Variants in UMAD1 observed in about 807,000 individuals in gnomAD.
UMAD1 encodes UBAP1-MVB12-associated (UMA)-domain containing protein 1.
UMAD1 carries 8 observed loss-of-function variants against 6.1 expected under a neutral mutation model. That is an observed-to-expected ratio of 1.30 (90% CI 0.76 to 2.35). UMAD1 has a LOEUF of 2.35. UMAD1 is among the 30% of genes most tolerant of loss of function. The pLI, the probability that UMAD1 is intolerant of heterozygous loss-of-function variation, is 0.00. For synonymous variants in UMAD1, 56 were observed against 31.4 expected (o/e 1.78, Z -2.61); for missense variants, 130 against 78.4 (o/e 1.66, Z -2.49).
chr7:7,789,424 T>C (rs1158609422), intron 2 of UMAD1, among the ~76,000 whole-genome samples: 1 of 151,912 alleles, frequency 6.6e-6, no homozygotes, highest in Non-Finnish European at 1.5e-5. Flanking sequence ...AGTACCAATT[T>C]ATTGTTTTAA....
intron 3 of UMAD1, among the ~76,000 whole-genome samples, chr7:7,864,110 T>C (rs191693758): frequency 6.6e-6 from 1 of 152,232 alleles, no homozygotes; most frequent in Non-Finnish European, 1.5e-5. Context: ...CCCGATTTTA[T>C]GCAGTAAACC....
intron 2 of UMAD1, among the ~76,000 whole-genome samples, chr7:7,777,050 AC>A (rs1264639496): frequency 6.6e-6 from 1 of 152,158 alleles, no homozygotes; most frequent in Non-Finnish European, 1.5e-5. Flanking sequence ...TTTGCGCCAT[AC>A]TTTTTTCACA....
chr7:7,646,840 C>T (rs1412882879), intron 1 of UMAD1, among the ~76,000 whole-genome samples: 1 of 152,112 alleles, frequency 6.6e-6, no homozygotes, highest in East Asian at 1.9e-4. Flanking sequence ...CACTCTTCTG[C>T]TCATGGAGCC....
At chr7:7,644,106 T>C (rs1393009274) in intron 1 of UMAD1, among the ~76,000 whole-genome samples, 6 of 152,214 alleles carry the variant, frequency 3.9e-5, no homozygotes, top group Non-Finnish European at 5.9e-5. Flanking sequence ...TTGGCAACTC[T>C]TGGAGTTTTT....
chr7:7,796,976 C>T (rs770936109), intron 2 of UMAD1, among the ~76,000 whole-genome samples: 139 of 152,182 alleles, frequency 9.1e-4, no homozygotes, highest in Admixed American at 2.6e-3. Context: ...CCCAGTGTCT[C>T]AGTGTATTAG....
Position 7,644,354 on chromosome 7 carries a change from CT to C in UMAD1, c.-64+3546del, listed in dbSNP as rs35141799. On this transcript the variant is annotated intron_variant, in intron 1 of 3. Transcript: ENST00000682710. ...TTCCGTTTCCTTCCTTCATTCCATC[CT>C]TTTTTTTTTTTTATTAGGAAGACCT... Among the ~76,000 whole-genome samples, 1,209 of 141,772 alleles carry C rather than the reference CT, an allele frequency of 8.5e-3. 7 individuals carry two copies. Among genetic ancestry groups the C allele is most frequent in the African/African-American group, 0.023 (902 of 39,002 alleles). The allele number at this position is 141,772 out of a possible 152,430, so 93.0% of individuals were successfully genotyped here. A position where few individuals can be genotyped will look rare whatever the true frequency, so the allele number is the denominator to read the frequency against.
At position 7,798,841 on chromosome 7, in the gene UMAD1, C is replaced by G. The variant is rs549810420; in HGVS notation, c.83-2829C>G. Among the ~76,000 whole-genome samples, 80 of 152,294 alleles carry G rather than the reference C, an allele frequency of 5.3e-4. 1 individual carries two copies. The highest frequency in any genetic ancestry group is 6.8e-3 in the Middle Eastern group (2 of 294). On this transcript the variant is annotated intron_variant, in intron 2 of 3. Coordinates refer to ENST00000682710, the MANE Select transcript of UMAD1 (RefSeq NM_001302348.2). Reference sequence around the variant, plus strand: ...GCCTCTGCCCCTTAGGTTTCACTCTCCTGTAAATTGGGGGTGGGCAGAGTT... The same window carrying G: ...GCCTCTGCCCCTTAGGTTTCACTCTGCTGTAAATTGGGGGTGGGCAGAGTT...
At chr7:7,752,604 A>G (rs1022359414) in intron 2 of UMAD1, among the ~76,000 whole-genome samples, 2 of 152,140 alleles carry the variant, frequency 1.3e-5, no homozygotes, top group African/African-American at 4.8e-5. Context: ...TTTCCTTAAC[A>G]CATATTTCTA....
chr7:7,719,075 A>G (rs1780989694), intron 2 of UMAD1, among the ~76,000 whole-genome samples: 1 of 138,966 alleles, frequency 7.2e-6, no homozygotes, highest in East Asian at 2.0e-4. Flanking sequence ...TTGTGTTAAA[A>G]AAAGCTTTAA....
intron 3 of UMAD1, among the ~76,000 whole-genome samples, chr7:7,802,627 G>A (rs1399848812): frequency 6.6e-6 from 1 of 152,176 alleles, no homozygotes; most frequent in Admixed American, 6.5e-5. Flanking sequence ...TTAAGTACTA[G>A]GGTGGAAGGA....
chr7:7,774,022 T>G (rs1331879988), intron 2 of UMAD1, among the ~76,000 whole-genome samples: 1 of 152,204 alleles, frequency 6.6e-6, no homozygotes, highest in Admixed American at 6.5e-5. Flanking sequence ...AAGAAAACAC[T>G]GAGAATCAGG....
At chr7:7,854,321 C>T (rs1365264738) in intron 3 of UMAD1, among the ~76,000 whole-genome samples, 1 of 139,848 alleles carries the variant, frequency 7.2e-6, no homozygotes, top group Non-Finnish European at 1.5e-5. Flanking sequence ...CACCATTGCA[C>T]TCCAGCCTGG....
At chr7:7,856,566 G>A (rs979593103) in intron 3 of UMAD1, among the ~76,000 whole-genome samples, 30 of 152,166 alleles carry the variant, frequency 2.0e-4, no homozygotes, top group African/African-American at 7.0e-4. Flanking sequence ...TTTGGATGGC[G>A]ACACCGCCAA....
intron 3 of UMAD1, among the ~76,000 whole-genome samples, chr7:7,815,462 C>T (rs1174481016): frequency 6.6e-6 from 1 of 152,004 alleles, no homozygotes; most frequent in Non-Finnish European, 1.5e-5. Flanking sequence ...CAGTAAAAGG[C>T]AGGGGTTTAA....
At position 7,689,696 on chromosome 7, in the gene UMAD1, T is replaced by C. The variant is rs187070914; in HGVS notation, c.82+16243T>C. On this transcript the variant is annotated intron_variant, in intron 2 of 3. Coordinates refer to ENST00000682710, the MANE Select transcript of UMAD1 (RefSeq NM_001302348.2). ...TGTCTATATAGAAGACATTTATATT[T>C]ATGTCTTTCTAAACTCAAAACAATT... Among the ~76,000 whole-genome samples the C allele has an allele frequency of 3.4e-4, 52 of 152,340 alleles. 2 individuals carry two copies. The East Asian group carries it at 9.4e-3, about 28-fold the overall frequency.
intron 3 of UMAD1, among the ~76,000 whole-genome samples, chr7:7,873,197 G>C (rs913605540): frequency 1.3e-5 from 2 of 152,122 alleles, no homozygotes; most frequent in African/African-American, 4.8e-5. Flanking sequence ...AAGGCCATTT[G>C]CTTATTAATA....
intron 2 of UMAD1, among the ~76,000 whole-genome samples, chr7:7,707,174 C>T (rs1217925838): frequency 6.6e-6 from 1 of 152,090 alleles, no homozygotes; most frequent in Non-Finnish European, 1.5e-5. Context: ...CAGGCAAAAT[C>T]AGTTTTTACA....
intron 1 of UMAD1, among the ~76,000 whole-genome samples, chr7:7,662,471 T>C (rs1785499122): frequency 6.6e-6 from 1 of 152,214 alleles, no homozygotes; most frequent in South Asian, 2.1e-4. Context: ...TCTCCTGGTC[T>C]GTGGGTTGCG....
At chr7:7,835,391 T>A (rs1179336391) in intron 3 of UMAD1, among the ~76,000 whole-genome samples, 1 of 150,434 alleles carries the variant, frequency 6.6e-6, no homozygotes, top group Non-Finnish European at 1.5e-5. Flanking sequence ...TGCTTTCTTT[T>A]TTTTTTTTTT....
Sources: gnomAD v4.1 joint callset for allele counts (sites outside exome capture counted in the v4.1 genomes callset) on GRCh38, gnomAD v4.1.1 for gene constraint, MANE v1.5 for transcripts, NCBI Gene and HGNC (gene_info 2026-07-23, HGNC 2026-07-21) for gene names.